Variants in SEZ6L observed in about 807,000 individuals in gnomAD.
SEZ6L encodes seizure 6-like protein.
In SEZ6L, 37 loss-of-function variants were observed where a neutral mutation model predicts 106.2. The ratio of observed to expected loss-of-function variants is 0.35; its 90% confidence interval spans 0.27 to 0.46. SEZ6L has a LOEUF of 0.46. Ranked by LOEUF, SEZ6L falls within the 20% of genes least tolerant of loss-of-function variation. The pLI is 1.00. For missense variants in SEZ6L, 1,172 were observed against 1,332.8 expected, an observed-to-expected ratio of 0.88 and a Z score of 1.88; for synonymous variants, 541 against 570.4, an observed-to-expected ratio of 0.95 and a Z score of 0.73.
rs1441534188 is a variant in SEZ6L, at chr22:26,383,340, A to G, written c.*3045A>G. On this transcript the variant is annotated 3_prime_UTR_variant, in exon 17 of 17. Transcript: ENST00000248933. ...AGCTTTAGGCTGAGGCACGGGCCTC[A>G]GGCAAAAATGCCCTTCGAGTGAATC... is the stretch of plus-strand genomic sequence containing the variant. 2.0e-5 allele frequency: 3 copies of G among 152,042 alleles called. No individual in the cohort carries two copies. The highest frequency in any genetic ancestry group is 2.1e-4 in the South Asian group (1 of 4,818). The allele number at this position is 152,042 out of a possible 1,614,324, so 9.4% of individuals were successfully genotyped here. A position where few individuals can be genotyped will look rare whatever the true frequency, so the allele number is the denominator to read the frequency against.
chr22:26,375,518 C>A (rs1353843152), intron 14 of SEZ6L, 57 bp from the exon 15 acceptor site: 1 of 1,409,226 alleles, frequency 7.1e-7, no homozygotes, highest in Non-Finnish European at 1.0e-6. Context: ...GGCAGTTGGG[C>A]ACTCACTGGG....
At chr22:26,243,889 G>A (rs552547852) in intron 1 of SEZ6L, among the ~76,000 whole-genome samples, 9 of 152,156 alleles carry the variant, frequency 5.9e-5, no homozygotes, top group East Asian at 1.9e-4. Flanking sequence ...GAGACCTGGC[G>A]TGGTGGCTCA....
At chr22:26,251,576 G>A (rs762710611) in intron 1 of SEZ6L, among the ~76,000 whole-genome samples, 1 of 152,222 alleles carries the variant, frequency 6.6e-6, no homozygotes, top group East Asian at 1.9e-4. Context: ...TGTATTTGGG[G>A]TGGTGGGAGG....
intron 1 of SEZ6L, among the ~76,000 whole-genome samples, chr22:26,218,852 C>T (rs1368847670): frequency 6.6e-6 from 1 of 152,006 alleles, no homozygotes; most frequent in African/African-American, 2.4e-5. Flanking sequence ...CAGGAGAAAT[C>T]GCTTGAACCC....
chr22:26,340,811 C>T (rs1217190939), intron 10 of SEZ6L, among the ~76,000 whole-genome samples, 179 bp downstream of exon 10: 4 of 152,162 alleles, frequency 2.6e-5, no homozygotes, highest in African/African-American at 9.7e-5. Flanking sequence ...AGGGTTTGAG[C>T]CCTAGCACGG....
At chr22:26,347,599 G>A (rs1200603805) in intron 10 of SEZ6L, 120 bp from the exon 11 acceptor site, 2 of 742,898 alleles carry the variant, frequency 2.7e-6, no homozygotes, top group African/African-American at 1.9e-5. Flanking sequence ...GATTTTGGAA[G>A]CGTGTTGCTC....
intron 11 of SEZ6L, among the ~76,000 whole-genome samples, chr22:26,350,097 A>C (rs1198338112): frequency 6.6e-6 from 1 of 152,012 alleles, no homozygotes; most frequent in Non-Finnish European, 1.5e-5. Context: ...CTTTTTAAAA[A>C]AATCGCAAAT....
intron 1 of SEZ6L, among the ~76,000 whole-genome samples, chr22:26,219,254 G>GTTTTTTTT (rs10635478): frequency 7.4e-6 from 1 of 135,086 alleles, no homozygotes; most frequent in Non-Finnish European, 1.6e-5. Context: ...AGAAATACAA[G>GTTTTTTTT]TTTTTTTTTT....
intron 1 of SEZ6L, among the ~76,000 whole-genome samples, chr22:26,232,458 C>A (rs972273341): frequency 4.0e-5 from 6 of 151,892 alleles, no homozygotes; most frequent in Non-Finnish European, 7.4e-5. Context: ...CCTGCCCTGA[C>A]TATGTGACTT....
chr22:26,270,766 T>C (rs2080338253), intron 1 of SEZ6L, among the ~76,000 whole-genome samples: 1 of 152,136 alleles, frequency 6.6e-6, no homozygotes, highest in Non-Finnish European at 1.5e-5. Context: ...AGGCTGGCTG[T>C]CAAGGAAAAC....
At chr22:26,238,646 A>G (rs1016351720) in intron 1 of SEZ6L, among the ~76,000 whole-genome samples, 1 of 152,252 alleles carries the variant, frequency 6.6e-6, no homozygotes, top group Admixed American at 6.5e-5. Flanking sequence ...GGCACCAACA[A>G]TAAGCCAGGC....
intron 1 of SEZ6L, among the ~76,000 whole-genome samples, chr22:26,200,501 T>C (rs935692557): frequency 6.6e-6 from 1 of 152,188 alleles, no homozygotes; most frequent in Non-Finnish European, 1.5e-5. Context: ...GCCACCTCCT[T>C]CCCAGTATCA....
intron 9 of SEZ6L, among the ~76,000 whole-genome samples, chr22:26,314,543 C>G (rs2081944436): frequency 1.3e-5 from 2 of 152,214 alleles, no homozygotes; most frequent in Admixed American, 6.5e-5. Flanking sequence ...TCTGTTTCCA[C>G]AGTCTAACGC....
chr22:26,348,816 A>G (rs1601579651), intron 11 of SEZ6L, among the ~76,000 whole-genome samples: 1 of 9,748 alleles, frequency 1.0e-4, no homozygotes. Flanking sequence ...AAGGGGAGAG[A>G]AGAGAGGGAA....
chr22:26,285,490 G>A (rs929793366), intron 1 of SEZ6L, among the ~76,000 whole-genome samples: 1 of 152,190 alleles, frequency 6.6e-6, no homozygotes, highest in African/African-American at 2.4e-5. Flanking sequence ...TGTTCACTGT[G>A]ATTAATCCAG....
intron 1 of SEZ6L, among the ~76,000 whole-genome samples, chr22:26,236,539 T>C (rs1018641328): frequency 1.3e-5 from 2 of 152,110 alleles, no homozygotes; most frequent in African/African-American, 2.4e-5. Context: ...GTGGACTTGA[T>C]TGATTGAGGT....
At chr22:26,233,425 C>G (rs1488056961) in intron 1 of SEZ6L, among the ~76,000 whole-genome samples, 2 of 152,158 alleles carry the variant, frequency 1.3e-5, no homozygotes, top group Admixed American at 6.5e-5. Flanking sequence ...ACCTTCCCAC[C>G]CAGGGAAGAA....
chr22:26,255,207 T>C lies in SEZ6L; in HGVS notation c.95-37199T>C, dbSNP rs1398062869. ...CATCAGTGCAAACCTCCAGTGCCCA[T>C]TTTTCCTATGACCTAAGGATGTGAA... On this transcript the variant is annotated intron_variant, in intron 1 of 16. Coordinates refer to ENST00000248933, the MANE Select transcript of SEZ6L (RefSeq NM_021115.5). Among the ~76,000 whole-genome samples the C allele has an allele frequency of 3.3e-5, 5 of 152,288 alleles. No homozygotes were observed. The East Asian group carries it at 7.7e-4, about 23-fold the overall frequency.
chr22:26,175,413 A>G (rs1938912884), intron 1 of SEZ6L, among the ~76,000 whole-genome samples: 1 of 152,198 alleles, frequency 6.6e-6, no homozygotes, highest in African/African-American at 2.4e-5. Flanking sequence ...AGTTATGCAT[A>G]GGTAAGGTTT....
Sources: gnomAD v4.1 joint callset for allele counts (sites outside exome capture counted in the v4.1 genomes callset) on GRCh38, gnomAD v4.1.1 for gene constraint, MANE v1.5 for transcripts, NCBI Gene and HGNC (gene_info 2026-07-23, HGNC 2026-07-21) for gene names.